The following NEDD4L variants were observed in gnomAD, a reference collection of about 807,000 sequenced individuals.
NEDD4L encodes NEDD4 like E3 ubiquitin protein ligase, also known as E3 ubiquitin-protein ligase NEDD4-like.
NEDD4L carries 54 observed loss-of-function variants against 148.9 expected under a neutral mutation model. The observed-to-expected ratio is 0.36, with a 90% CI of 0.29 to 0.45. The LOEUF (loss-of-function observed/expected upper bound fraction) is 0.45. Among genes scored for constraint, NEDD4L ranks in the 20% least tolerant of loss-of-function variants. The pLI, the probability that NEDD4L is intolerant of heterozygous loss-of-function variation, is 1.00. For synonymous variants in NEDD4L, 433 were observed against 440.7 expected (o/e 0.98, Z 0.22); for missense variants, 856 against 1,233.8 (o/e 0.69, Z 4.59).
At chr18:58,066,827 T>G (rs1308577481) in intron 1 of NEDD4L, among the ~76,000 whole-genome samples, 2 of 152,032 alleles carry the variant, frequency 1.3e-5, no homozygotes, top group Non-Finnish European at 2.9e-5. Context: ...GTGCCACATA[T>G]TTTTAAATAA....
rs186828871 is a variant in NEDD4L, at chr18:58,126,065, C to T, written c.49-39723C>T. On this transcript the variant is annotated intron_variant, in intron 1 of 30. Coordinates refer to ENST00000400345, the MANE Select transcript of NEDD4L (RefSeq NM_001144967.3). ...TCCTCACGGGGCTGACTCCCTTTAG[C>T]CTTGAAGGGGACCGTTGCTCCGAGA... 2.1e-3 allele frequency among the ~76,000 whole-genome samples: 325 copies of T among 152,354 alleles called. 2 individuals are homozygous for T. Among genetic ancestry groups the T allele is most frequent in the Middle Eastern group, 6.8e-3 (2 of 294 alleles).
At chr18:58,093,672 C>A (rs1378781040) in intron 1 of NEDD4L, among the ~76,000 whole-genome samples, 1 of 152,134 alleles carries the variant, frequency 6.6e-6, no homozygotes, top group Non-Finnish European at 1.5e-5. Context: ...TTGCTACGTG[C>A]TCATGTGTTG....
At chr18:58,153,299 C>T (rs905928110) in intron 1 of NEDD4L, among the ~76,000 whole-genome samples, 10 of 148,186 alleles carry the variant, frequency 6.7e-5, no homozygotes, top group Admixed American at 5.4e-4. Context: ...GGACTGTAGT[C>T]GAAGAGATTT....
chr18:58,271,237 C>G (rs894290074), intron 5 of NEDD4L, among the ~76,000 whole-genome samples: 1 of 151,936 alleles, frequency 6.6e-6, no homozygotes, highest in Non-Finnish European at 1.5e-5. Context: ...TGGGATTATG[C>G]CTTTATCCCT....
At chr18:58,071,745 G>A (rs2082882539) in intron 1 of NEDD4L, among the ~76,000 whole-genome samples, 1 of 152,200 alleles carries the variant, frequency 6.6e-6, no homozygotes, top group African/African-American at 2.4e-5. Context: ...GGCTGGGGAG[G>A]CCTCACAATC....
chr18:58,130,118 CTG>C (rs1444725262), intron 1 of NEDD4L, among the ~76,000 whole-genome samples: 3 of 133,542 alleles, frequency 2.2e-5, no homozygotes, highest in East Asian at 4.8e-4. Context: ...GTTTGGTTGA[CTG>C]TGATCTAGCG....
intron 13 of NEDD4L, among the ~76,000 whole-genome samples, chr18:58,336,920 G>A (rs1212075178): frequency 6.6e-6 from 1 of 152,204 alleles, no homozygotes; most frequent in Admixed American, 6.5e-5. Context: ...AGATCGTTTT[G>A]TGAGATAATT....
In NEDD4L at chr18:58,323,261, G is replaced by A. The variant is rs1444142773; in HGVS notation, c.440G>A (p.Arg147Gln). 4 of 1,604,388 alleles carry A rather than the reference G, an allele frequency of 2.5e-6. No homozygotes were observed. Among genetic ancestry groups the A allele is most frequent in the Non-Finnish European group, 2.6e-6 (3 of 1,174,844 alleles). Reference sequence around the variant, plus strand: ...AAGTCTCGAGTTAAGGGATTTTTGCGATTGAAAATGGCCTATATGCCAAAA... The same window carrying A: ...AAGTCTCGAGTTAAGGGATTTTTGCAATTGAAAATGGCCTATATGCCAAAA... ...SHKSRVKGFL[R>Q]LKMAYMPKNG... Residue 147 changes from arginine to glutamine, a missense_variant, in exon 8 of 31, where the codon CGA (arginine) becomes CAA (glutamine). Arg to Gln is a conservative substitution (Grantham distance 43, BLOSUM62 1). Transcript: ENST00000400345.
chr18:58,331,839 A>G (rs931688038), intron 11 of NEDD4L, among the ~76,000 whole-genome samples: 3 of 152,220 alleles, frequency 2.0e-5, no homozygotes, highest in Non-Finnish European at 4.4e-5. Context: ...CAAAATTGTT[A>G]CTTTTTGGTT....
At chr18:58,362,684 G>C (rs2045633642) in intron 19 of NEDD4L, among the ~76,000 whole-genome samples, 1 of 152,198 alleles carries the variant, frequency 6.6e-6, no homozygotes, top group Non-Finnish European at 1.5e-5. Context: ...TTTATGTACT[G>C]TTATTTTTCT....
chr18:58,064,055 TC>T (rs2082477956), intron 1 of NEDD4L, among the ~76,000 whole-genome samples: 2 of 141,706 alleles, frequency 1.4e-5, no homozygotes, highest in Middle Eastern at 4.1e-3. Context: ...AGCTCCGCCT[TC>T]CGGGTTCATG....
At chr18:58,145,246 C>T (rs1362938968) in intron 1 of NEDD4L, among the ~76,000 whole-genome samples, 1 of 152,076 alleles carries the variant, frequency 6.6e-6, no homozygotes, top group Non-Finnish European at 1.5e-5. Context: ...GGTCCAAGTG[C>T]CAAGGGACAG....
chr18:58,234,561 C>T (rs750503105), intron 2 of NEDD4L, among the ~76,000 whole-genome samples: 1 of 152,022 alleles, frequency 6.6e-6, no homozygotes, highest in Non-Finnish European at 1.5e-5. Context: ...CTTTGAACTC[C>T]TGAGCTCAAG....
rs574765908 is a variant in NEDD4L, at chr18:58,303,085, C to T, written c.298-12897C>T. On this transcript the variant is annotated intron_variant, in intron 5 of 30. Coordinates refer to ENST00000400345, the MANE Select transcript of NEDD4L (RefSeq NM_001144967.3). ...GCCCTGCTCCTGGGGCCTTACTTGA[C>T]TCATCCTGGTGGGTTTTCCAAATGG... 1.2e-4 allele frequency among the ~76,000 whole-genome samples: 19 copies of T among 152,354 alleles called. No homozygotes were observed. The South Asian group carries it at 1.5e-3, about 12-fold the overall frequency.
intron 24 of NEDD4L, among the ~76,000 whole-genome samples, chr18:58,378,355 G>A (rs1204186183): frequency 6.6e-6 from 1 of 152,192 alleles, no homozygotes; most frequent in East Asian, 1.9e-4. Context: ...TGAATTAAAA[G>A]GTAGAGAAAC....
intron 1 of NEDD4L, among the ~76,000 whole-genome samples, chr18:58,120,435 A>G (rs949032458): frequency 6.6e-6 from 1 of 152,212 alleles, no homozygotes; most frequent in Non-Finnish European, 1.5e-5. Context: ...ATAAAATACT[A>G]TCAGTACAAT....
At chr18:58,215,417 C>T (rs1424961536) in intron 2 of NEDD4L, among the ~76,000 whole-genome samples, 1 of 152,108 alleles carries the variant, frequency 6.6e-6, no homozygotes, top group African/African-American at 2.4e-5. Context: ...CCATTTTTAT[C>T]CAGTGCCAAC....
At chr18:58,207,151 C>T (rs931371737) in intron 2 of NEDD4L, among the ~76,000 whole-genome samples, 7 of 152,134 alleles carry the variant, frequency 4.6e-5, no homozygotes, top group Admixed American at 3.9e-4. Flanking sequence ...ACAAGGATAT[C>T]TGGAAGTTCC....
At position 58,171,423 on chromosome 18, in the gene NEDD4L, G is replaced by T. The variant is rs79125526; in HGVS notation, c.122+5562G>T. Among the ~76,000 whole-genome samples, 22 of 94,936 alleles carry T rather than the reference G, an allele frequency of 2.3e-4. 4 individuals carry two copies. Among genetic ancestry groups the T allele is most frequent in the East Asian group, 1.2e-3 (2 of 1,616 alleles). The allele number at this position is 94,936 out of a possible 152,430, so 62.3% of individuals were successfully genotyped here. ...CCCGCCTCATCACCCCAGCCCAAGA[G>T]GACAGAACACTGCTGCCCACCTCAT... On this transcript the variant is annotated intron_variant, in intron 2 of 30. Transcript: ENST00000400345.
Sources: gnomAD v4.1 joint callset for allele counts (sites outside exome capture counted in the v4.1 genomes callset) on GRCh38, gnomAD v4.1.1 for gene constraint, MANE v1.5 for transcripts, NCBI Gene and HGNC (gene_info 2026-07-23, HGNC 2026-07-21) for gene names.